Variants in ROBO2 observed in about 807,000 individuals in gnomAD.
The protein encoded by ROBO2 is roundabout homolog 2.
ROBO2 carries 53 observed loss-of-function variants against 160.8 expected under a neutral mutation model. That is an observed-to-expected ratio of 0.33 (90% CI 0.26 to 0.41). The LOEUF (loss-of-function observed/expected upper bound fraction) is 0.41, where lower values mean the gene tolerates loss of function less well. ROBO2 is among the 10% of genes least tolerant of loss of function. The probability of loss-of-function intolerance (pLI) is 1.00; values close to 1 mark genes in which losing one functional copy is unlikely to be tolerated. For missense variants in ROBO2, 1,577 were observed against 1,722.4 expected (o/e 0.92, Z 1.49); for synonymous variants, 664 against 611.7 (o/e 1.09, Z -1.26).
At chr3:76,128,056 C>T (rs2071067938) in intron 2 of ROBO2, among the ~76,000 whole-genome samples, 3 of 151,822 alleles carry the variant, frequency 2.0e-5, no homozygotes, top group South Asian at 4.2e-4. Context: ...CCACCATGCC[C>T]AGCTAATTTT....
intron 2 of ROBO2, among the ~76,000 whole-genome samples, chr3:77,107,027 GC>G (rs1272290902): frequency 6.6e-6 from 1 of 152,164 alleles, no homozygotes; most frequent in African/African-American, 2.4e-5. Context: ...AAACTGGGTA[GC>G]TTTTTAGGAA....
chr3:76,606,011 C>T (rs1472973698), intron 2 of ROBO2, among the ~76,000 whole-genome samples: 2 of 152,000 alleles, frequency 1.3e-5, no homozygotes, highest in Non-Finnish European at 1.5e-5. Flanking sequence ...AGATTCTTTC[C>T]AACACAATCA....
At chr3:76,980,210 G>A (rs896407606) in intron 2 of ROBO2, among the ~76,000 whole-genome samples, 1 of 152,190 alleles carries the variant, frequency 6.6e-6, no homozygotes, top group Admixed American at 6.5e-5. Flanking sequence ...TGTGAAGGCT[G>A]AGCTTTACTG....
chr3:76,468,866 A>G (rs1049122489), intron 2 of ROBO2, among the ~76,000 whole-genome samples: 2 of 152,092 alleles, frequency 1.3e-5, no homozygotes, highest in African/African-American at 4.8e-5. Context: ...ACTTATATCT[A>G]CAGCTTCAGC....
intron 2 of ROBO2, among the ~76,000 whole-genome samples, chr3:76,638,752 A>G (rs1056300808): frequency 1.3e-5 from 2 of 152,164 alleles, no homozygotes; most frequent in Non-Finnish European, 2.9e-5. Context: ...ATCATCTTTT[A>G]ACAGGTATTT....
intron 2 of ROBO2, among the ~76,000 whole-genome samples, chr3:76,819,639 G>A (rs138125142): frequency 5.3e-5 from 8 of 152,068 alleles, no homozygotes; most frequent in African/African-American, 1.9e-4. Context: ...TTGTATGTTG[G>A]GATTGTTGTG....
intron 2 of ROBO2, among the ~76,000 whole-genome samples, chr3:76,729,794 C>A (rs566507524): frequency 9.2e-5 from 14 of 152,052 alleles, no homozygotes; most frequent in African/African-American, 3.4e-4. Context: ...CGTGCCACCA[C>A]GCCTGGCTAA....
chr3:77,400,655 A>C (rs1244016879), intron 2 of ROBO2, among the ~76,000 whole-genome samples: 1 of 152,062 alleles, frequency 6.6e-6, no homozygotes, highest in African/African-American at 2.4e-5. Context: ...TGTTTTTATG[A>C]TTGCCTTGTA....
chr3:76,579,005 A>G (rs890016729), intron 2 of ROBO2, among the ~76,000 whole-genome samples: 2 of 152,072 alleles, frequency 1.3e-5, no homozygotes, highest in Non-Finnish European at 2.9e-5. Context: ...TCTCTATAAT[A>G]CATCTCTTGA....
chr3:76,028,616 T>C (rs1021501161), intron 2 of ROBO2, among the ~76,000 whole-genome samples: 3 of 151,854 alleles, frequency 2.0e-5, no homozygotes, highest in African/African-American at 7.3e-5. Flanking sequence ...GAAAATGCAA[T>C]ATAGAAAAAT....
intron 2 of ROBO2, among the ~76,000 whole-genome samples, chr3:76,916,518 T>C (rs571217452): frequency 6.8e-6 from 1 of 146,600 alleles, no homozygotes; most frequent in Admixed American, 7.2e-5. Flanking sequence ...ATTTTTTTAT[T>C]GTTATTTTTT....
intron 1 of ROBO2, among the ~76,000 whole-genome samples, chr3:75,935,310 A>G (rs1947720422): frequency 6.6e-6 from 1 of 152,120 alleles, no homozygotes; most frequent in Non-Finnish European, 1.5e-5. Context: ...CCTTGACCTA[A>G]GGAGTCTGAG....
At chr3:76,990,927 G>A (rs1035131138) in intron 2 of ROBO2, among the ~76,000 whole-genome samples, 12 of 152,200 alleles carry the variant, frequency 7.9e-5, no homozygotes, top group East Asian at 5.8e-4. Context: ...AAGTGCTGGC[G>A]GGCCAAGCAG....
chr3:77,226,989 G>A (rs2086579990), intron 2 of ROBO2, among the ~76,000 whole-genome samples: 2 of 152,102 alleles, frequency 1.3e-5, no homozygotes, highest in Non-Finnish European at 2.9e-5. Flanking sequence ...AGCTTCAATT[G>A]TGATGTCAAA....
At chr3:77,186,784 C>G (rs1052438828) in intron 2 of ROBO2, among the ~76,000 whole-genome samples, 3 of 151,816 alleles carry the variant, frequency 2.0e-5, no homozygotes, top group African/African-American at 7.3e-5. Flanking sequence ...TCTACTATTA[C>G]CATCTTGTTT....
At chr3:76,244,960 G>A (rs901089835) in intron 2 of ROBO2, among the ~76,000 whole-genome samples, 2 of 152,056 alleles carry the variant, frequency 1.3e-5, no homozygotes, top group African/African-American at 4.8e-5. Flanking sequence ...ACACAAAATA[G>A]GTTCTGTTTC....
chr3:77,244,980 T>C (rs2089552490), intron 2 of ROBO2, among the ~76,000 whole-genome samples: 1 of 148,416 alleles, frequency 6.7e-6, no homozygotes, highest in South Asian at 2.1e-4. Flanking sequence ...AAAGCAAAGG[T>C]CTTTGAAATA....
intron 2 of ROBO2, among the ~76,000 whole-genome samples, chr3:77,205,503 G>A (rs187263210): frequency 6.6e-6 from 1 of 152,008 alleles, no homozygotes; most frequent in African/African-American, 2.4e-5. Context: ...AGTTTATGTG[G>A]GTACAGGATG....
chr3:76,271,263 C>T (rs1000462339), intron 2 of ROBO2, among the ~76,000 whole-genome samples: 10 of 152,002 alleles, frequency 6.6e-5, no homozygotes, highest in Non-Finnish European at 1.3e-4. Flanking sequence ...TCTTCTTTGA[C>T]TGCAAAACTT....
Sources: allele counts gnomAD v4.1 joint callset (sites outside exome capture counted in the v4.1 genomes callset), GRCh38; gene constraint gnomAD v4.1.1; transcripts MANE v1.5; gene names NCBI Gene and HGNC (gene_info 2026-07-23, HGNC 2026-07-21).